Variants in BTK observed in about 807,000 individuals in gnomAD.
The protein encoded by BTK is Bruton tyrosine kinase, also known as tyrosine-protein kinase BTK.
A neutral mutation model predicts 57.4 loss-of-function variants in BTK; 5 were observed. The observed-to-expected ratio is 0.09, with a 90% CI of 0.05 to 0.18. BTK has a LOEUF of 0.18. BTK is among the 10% of genes least tolerant of loss of function. The pLI is 1.00. For synonymous variants in BTK, 154 were observed against 174.3 expected (o/e 0.88, Z 0.92); for missense variants, 194 against 501.2 (o/e 0.39, Z 5.85).
In BTK at chrX:101,375,141, T is replaced by C. The variant is rs1555980869; in HGVS notation, c.141+3A>G. 1 of 1,211,615 alleles carries C rather than the reference T, an allele frequency of 8.3e-7. No individual in the cohort carries two copies. The highest frequency in any genetic ancestry group is 1.8e-5 in the South Asian group (1 of 57,000). On this transcript the variant is annotated splice_donor_region_variant and intron_variant, in intron 2 of 18. Transcript: ENST00000308731. ...ACTCAGTTTTCATAGTCGAGAAACTTACCCCACGTTCAAAGTCATACTCAT... is the reference window on the plus strand; with the variant it reads ...ACTCAGTTTTCATAGTCGAGAAACTCACCCCACGTTCAAAGTCATACTCAT...
At chrX:101,377,437 T>A (rs2239462) in intron 1 of BTK, among the ~76,000 whole-genome samples, 1 of 110,702 alleles carries the variant, frequency 9.0e-6, no homozygotes, top group African/African-American at 3.3e-5. Flanking sequence ...AATTGAGTAC[T>A]GTGACCAGTA....
chrX:101,366,691 G>C (rs782209911), intron 5 of BTK, among the ~76,000 whole-genome samples: 1 of 111,075 alleles, frequency 9.0e-6, no homozygotes, highest in African/African-American at 3.3e-5. Flanking sequence ...TTTGGCTCTT[G>C]TTGTTAGCCC....
rs193922124 is a variant in BTK, at chrX:101,356,163, G to A, written c.1455C>T (p.Tyr485=). 1 of 1,211,269 alleles carries A rather than the reference G, an allele frequency of 8.3e-7. No homozygotes were observed. Among genetic ancestry groups the A allele is most frequent in the Admixed American group, 2.2e-5 (1 of 46,003 alleles). Residue 485 remains tyrosine, a synonymous_variant, in exon 15 of 19, where the codon TAC becomes TAT. Coordinates refer to ENST00000308731, the MANE Select transcript of BTK (RefSeq NM_000061.3). ...GGAAGCGGTGGCGCATCTCCCTCAG[G>A]TAGTTCAGGAGGCAGCCATTGGCCA... is the stretch of plus-strand genomic sequence containing the variant. ...EYMANGCLLN[Y]LREMRHRFQT...
intron 2 of BTK, 118 bp downstream of exon 2, chrX:101,375,026 A>G (rs547178752): frequency 2.2e-6 from 2 of 892,052 alleles, no homozygotes. Context: ...ATTTGAAAGA[A>G]CTTAGGTCCA....
At chrX:101,380,431 A>G (rs1277029551) in intron 1 of BTK, among the ~76,000 whole-genome samples, 1 of 111,715 alleles carries the variant, frequency 9.0e-6, no homozygotes, top group African/African-American at 3.3e-5. Flanking sequence ...GTTTTATATT[A>G]TGAAATATTT....
intron 14 of BTK, 82 bp from the exon 15 acceptor site, chrX:101,356,350 C>G (rs1926480950): frequency 2.4e-6 from 2 of 833,792 alleles, no homozygotes; most frequent in East Asian, 6.8e-5. Flanking sequence ...AGGGGCTGAC[C>G]TAGGAGTAGA....
chrX:101,358,822 T>C, intron 10 of BTK, 126 bp from the exon 11 acceptor site: 1 of 579,700 alleles, frequency 1.7e-6, no homozygotes, highest in Non-Finnish European at 3.0e-6. Flanking sequence ...ACGCTTGAGC[T>C]ACAGCCTCAT....
At chrX:101,351,206 G>C (rs1255145534) in intron 18 of BTK, among the ~76,000 whole-genome samples, 1 of 111,424 alleles carries the variant, frequency 9.0e-6, no homozygotes, top group Non-Finnish European at 1.9e-5. Context: ...ATGTTGGCCA[G>C]AATGGTCTAG....
intron 18 of BTK, 91 bp from the exon 19 acceptor site, chrX:101,350,047 A>G (rs1312739070): frequency 6.3e-6 from 4 of 630,387 alleles, no homozygotes; most frequent in Non-Finnish European, 1.1e-5. Context: ...TTTATTAAAT[A>G]TATGCTCTAT....
chrX:101,364,479 C>T (rs1926788477), intron 5 of BTK, among the ~76,000 whole-genome samples: 1 of 108,770 alleles, frequency 9.2e-6, no homozygotes, highest in South Asian at 3.9e-4. Context: ...GCTAGTCACA[C>T]TTCACTCACT....
intron 3 of BTK, among the ~76,000 whole-genome samples, chrX:101,372,240 G>C (rs1448429867): frequency 9.0e-6 from 1 of 111,275 alleles, no homozygotes; most frequent in Non-Finnish European, 1.9e-5. Flanking sequence ...GAAAGATAAA[G>C]GATAAACTGA....
Position 101,357,085 on chromosome X carries a change from T to C in BTK, c.1178-130A>G, listed in dbSNP as rs184653419. 9 of 710,231 alleles carry C rather than the reference T, an allele frequency of 1.3e-5. No individual in the cohort carries two copies. The Admixed American group carries it at 2.0e-4, about 16-fold the overall frequency. 58.5% of individuals were successfully genotyped at this position (710,231 alleles called of 1,213,427 possible). A position where few individuals can be genotyped will look rare whatever the true frequency, so the allele number is the denominator to read the frequency against. On this transcript the variant is annotated intron_variant, in intron 13 of 18. Coordinates refer to ENST00000308731, the MANE Select transcript of BTK (RefSeq NM_000061.3). ...AAATTTTTAGAAGTACTAATCTGTCTTTGCTTAAGTCAATCTCAGAAACGG... is the reference window on the plus strand; with the variant it reads ...AAATTTTTAGAAGTACTAATCTGTCCTTGCTTAAGTCAATCTCAGAAACGG...
Position 101,356,876 on chromosome X carries a change from C to T in BTK, c.1257G>A (p.Gly419=), listed in dbSNP as rs1347202595. 1.7e-6 allele frequency: 2 copies of T among 1,209,955 alleles called. No homozygotes were observed. The highest frequency in any genetic ancestry group is 3.5e-5 in the African/African-American group (2 of 57,173). The change falls in exon 14 of 19, where the codon GGG becomes GGA. Residue 419 remains glycine, a synonymous_variant. Coordinates refer to ENST00000308731, the MANE Select transcript of BTK (RefSeq NM_000061.3). ...CCACGTCGTACTGGCCTCTCCATTT[C>T]CCATACTTCACTACCCCAAATTGTC... is the stretch of plus-strand genomic sequence containing the variant. ...GTGQFGVVKY[G]KWRGQYDVAI... is the part of the protein sequence containing the mutation.
At chrX:101,374,668 G>A in intron 2 of BTK, 34 bp from the exon 3 acceptor site, 1 of 1,037,568 alleles carries the variant, frequency 9.6e-7, no homozygotes, top group Middle Eastern at 2.5e-4. Context: ...AATGGAGAAA[G>A]ATTAAGAGGG....
intron 3 of BTK, among the ~76,000 whole-genome samples, chrX:101,373,807 C>G (rs920986032): frequency 9.0e-6 from 1 of 111,106 alleles, no homozygotes; most frequent in South Asian, 3.7e-4. Context: ...TTTGGGAGGC[C>G]GAGACAGGCG....
At chrX:101,388,344 C>A (rs967087510), upstream of BTK, among the ~76,000 whole-genome samples, 8 of 111,306 alleles carry the variant, frequency 7.2e-5, no homozygotes, top group Admixed American at 2.9e-4. Context: ...TGCCCACGAC[C>A]ACTCCCCTAG....
At position 101,385,932 on chromosome X, in the gene BTK, C is replaced by T. The variant is rs188397761; in HGVS notation, c.-31+130G>A. On this transcript the variant is annotated intron_variant, in intron 1 of 18. Transcript: ENST00000308731. Reference sequence around the variant, plus strand: ...CTGCCAGGGCCTTGTGCTGATGACACTCCCACCCTCCGTCAGCCTCCTCCA... The same window carrying T: ...CTGCCAGGGCCTTGTGCTGATGACATTCCCACCCTCCGTCAGCCTCCTCCA... 3.6e-5 allele frequency: 4 copies of T among 111,474 alleles called. No homozygotes were observed. The East Asian group carries it at 8.5e-4, about 24-fold the overall frequency. 9.2% of individuals were successfully genotyped at this position (111,474 alleles called of 1,213,427 possible).
At chrX:101,373,953 G>A (rs1489740896) in intron 3 of BTK, among the ~76,000 whole-genome samples, 1 of 110,649 alleles carries the variant, frequency 9.0e-6, no homozygotes, top group Non-Finnish European at 1.9e-5. Context: ...GCTGAGGCAT[G>A]AGAATTGCTT....
At chrX:101,358,723 G>A (rs1555978206) in intron 10 of BTK, 27 bp from the exon 11 acceptor site, 1 of 1,138,874 alleles carries the variant, frequency 8.8e-7, no homozygotes, top group African/African-American at 1.8e-5. Flanking sequence ...GAAGCTGTCT[G>A]TAGGAGGAAG....
Sources: allele counts gnomAD v4.1 joint callset (sites outside exome capture counted in the v4.1 genomes callset), GRCh38; gene constraint gnomAD v4.1.1; transcripts MANE v1.5; gene names NCBI Gene and HGNC (gene_info 2026-07-23, HGNC 2026-07-21).